Variants in MRPL35 observed in about 807,000 individuals in gnomAD.
MRPL35 encodes large ribosomal subunit protein bL35m.
MRPL35 carries 18 observed loss-of-function variants against 21.6 expected under a neutral mutation model. The observed-to-expected ratio is 0.83, with a 90% CI of 0.58 to 1.24. The LOEUF is 1.24. MRPL35 is among the 50% of genes most tolerant of loss of function. The pLI, the probability that MRPL35 is intolerant of heterozygous loss-of-function variation, is 0.00. For missense variants in MRPL35, 223 were observed against 223.2 expected, an observed-to-expected ratio of 1.00 and a Z score of 0.01; for synonymous variants, 87 against 86.9, an observed-to-expected ratio of 1.00 and a Z score of -0.01.
At position 86,212,941 on chromosome 2, in the gene MRPL35, A is replaced by G; in HGVS notation, c.*2273A>G. 2.8e-6 allele frequency: 2 copies of G among 707,686 alleles called. No homozygotes were observed. Among genetic ancestry groups the G allele is most frequent in the Non-Finnish European group, 3.5e-6 (2 of 576,598 alleles). The allele number at this position is 707,686 out of a possible 1,614,324, so 43.8% of individuals were successfully genotyped here. Reference sequence around the variant, plus strand: ...TATTGAACACCTACTATGTCCCAGCATATCTACAAAACTGGGTACATACAT... The same window carrying G: ...TATTGAACACCTACTATGTCCCAGCGTATCTACAAAACTGGGTACATACAT... On this transcript the variant is annotated 3_prime_UTR_variant, in exon 4 of 4. Coordinates refer to ENST00000337109, the MANE Select transcript of MRPL35 (RefSeq NM_016622.4).
chr2:86,204,539 T>C (rs576723067), intron 1 of MRPL35, among the ~76,000 whole-genome samples: 148 of 152,100 alleles, frequency 9.7e-4, no homozygotes, highest in Non-Finnish European at 1.8e-3. Context: ...CAAACTGGAC[T>C]TCAGTCAGAA....
intron 1 of MRPL35, 123 bp from the exon 2 acceptor site, chr2:86,205,983 T>G: frequency 1.2e-6 from 1 of 812,226 alleles, no homozygotes; most frequent in Non-Finnish European, 2.0e-6. Flanking sequence ...GCTTCACAGA[T>G]GAGTCTGATG....
rs1673928303 is a variant in MRPL35 at position 86,212,550 on chromosome 2, T to C, written c.*1882T>C. 4 of 1,581,966 alleles carry C rather than the reference T, an allele frequency of 2.5e-6. No individual in the cohort carries two copies. Among genetic ancestry groups the C allele is most frequent in the African/African-American group, 1.4e-5 (1 of 73,492 alleles). ...GCAGAAGTTGGGGAGAAGGATACTT[T>C]TGCACAGCCTCCATGATGTCTTTAT... is the stretch of plus-strand genomic sequence containing the variant. On this transcript the variant is annotated 3_prime_UTR_variant, in exon 4 of 4. Coordinates refer to ENST00000337109, the MANE Select transcript of MRPL35 (RefSeq NM_016622.4).
At chr2:86,205,843 A>C (rs1267299554) in intron 1 of MRPL35, among the ~76,000 whole-genome samples, 1 of 152,240 alleles carries the variant, frequency 6.6e-6, no homozygotes, top group Non-Finnish European at 1.5e-5. Context: ...AGTACTGGAC[A>C]TAGAGCTAGC....
intron 1 of MRPL35, among the ~76,000 whole-genome samples, chr2:86,203,119 G>A (rs938535365): frequency 7.1e-6 from 1 of 141,112 alleles, no homozygotes; most frequent in East Asian, 2.1e-4. Context: ...CCGCTCTGTC[G>A]CTCAAGGTGG....
In MRPL35 at chr2:86,213,287, C is replaced by G. The variant is rs1673948461; in HGVS notation, c.*2619C>G. 8.9e-7 allele frequency: 1 copy of G among 1,119,522 alleles called. No homozygotes were observed. 69.3% of individuals were successfully genotyped at this position (1,119,522 alleles called of 1,614,324 possible). On this transcript the variant is annotated 3_prime_UTR_variant, in exon 4 of 4. Coordinates refer to ENST00000337109, the MANE Select transcript of MRPL35 (RefSeq NM_016622.4). ...TTTGCTTTCCTGTCCTTTGCCAACTCTTAACCTAGTTAATCCTAGTTCTGT... is the reference window on the plus strand; with the variant it reads ...TTTGCTTTCCTGTCCTTTGCCAACTGTTAACCTAGTTAATCCTAGTTCTGT...
At position 86,206,274 on chromosome 2, in the gene MRPL35, A is replaced by T; in HGVS notation, c.212A>T (p.His71Leu). The T allele has an allele frequency of 6.2e-7, 1 of 1,613,434 alleles. No homozygotes were observed. Among genetic ancestry groups the T allele is most frequent in the Non-Finnish European group, 8.5e-7 (1 of 1,179,488 alleles). The change falls in exon 2 of 4, where the codon CAT becomes CTT. Residue 71 changes from histidine to leucine, a missense_variant. Coordinates refer to ENST00000337109, the MANE Select transcript of MRPL35 (RefSeq NM_016622.4). ...TTSERNLTCG[H>L]TSVILNRMAP... ...TCTGAGAGAAACCTGACATGTGGGC[A>T]TACCTCAGTGATCCTTAATAGGTAG... is the stretch of plus-strand genomic sequence containing the variant.
chr2:86,212,887 AGTTT>A lies in MRPL35; in HGVS notation c.*2224_*2227del. 2.0e-5 allele frequency: 17 copies of A among 866,502 alleles called. No homozygotes were observed. Among genetic ancestry groups the A allele is most frequent in the South Asian group, 5.3e-5 (1 of 18,872 alleles). The allele number at this position is 866,502 out of a possible 1,614,324, so 53.7% of individuals were successfully genotyped here. A position where few individuals can be genotyped will look rare whatever the true frequency, so the allele number is the denominator to read the frequency against. On this transcript the variant is annotated 3_prime_UTR_variant, in exon 4 of 4. Coordinates refer to ENST00000337109, the MANE Select transcript of MRPL35 (RefSeq NM_016622.4). ...TATAATTTATAAAATATTTATGTATAGTTTGTTTATTCAGGTATATGTATAATTT... is the reference window on the plus strand; with the variant it reads ...TATAATTTATAAAATATTTATGTATAGTTTATTCAGGTATATGTATAATTT...
At chr2:86,204,080 G>T (rs967363945) in intron 1 of MRPL35, among the ~76,000 whole-genome samples, 1 of 151,906 alleles carries the variant, frequency 6.6e-6, no homozygotes, top group Admixed American at 6.6e-5. Flanking sequence ...TTCCTCCCAG[G>T]TTCAAGTGAT....
At chr2:86,202,879 C>T (rs1476316275) in intron 1 of MRPL35, among the ~76,000 whole-genome samples, 1 of 151,748 alleles carries the variant, frequency 6.6e-6, no homozygotes, top group African/African-American at 2.4e-5. Context: ...TTAGTAGAGA[C>T]GGGGTTTCAC....
intron 1 of MRPL35, among the ~76,000 whole-genome samples, 166 bp downstream of exon 1, chr2:86,199,699 C>T (rs753498900): frequency 2.0e-5 from 3 of 152,210 alleles, no homozygotes; most frequent in Non-Finnish European, 4.4e-5. Context: ...CAGCCCGTAC[C>T]AAGTCCCCCG....
intron 1 of MRPL35, among the ~76,000 whole-genome samples, chr2:86,200,826 C>G (rs746991839): frequency 3.9e-4 from 59 of 152,176 alleles, no homozygotes; most frequent in Non-Finnish European, 4.7e-4. Context: ...GCCACCACGC[C>G]CAGCTAATTT....
chr2:86,207,991 C>T (rs988305946), intron 3 of MRPL35, among the ~76,000 whole-genome samples: 1 of 152,236 alleles, frequency 6.6e-6, no homozygotes, highest in East Asian at 1.9e-4. Context: ...AATTCCCTTT[C>T]ATTACTTGGA....
chr2:86,205,484 C>T (rs960215089), intron 1 of MRPL35, among the ~76,000 whole-genome samples: 5 of 152,088 alleles, frequency 3.3e-5, no homozygotes, highest in Admixed American at 1.3e-4. Context: ...GGCAGGCATA[C>T]TCGGTGTAAC....
intron 3 of MRPL35, among the ~76,000 whole-genome samples, chr2:86,210,199 C>CA (rs1305877105): frequency 1.3e-5 from 2 of 152,166 alleles, no homozygotes; most frequent in Admixed American, 6.5e-5. Flanking sequence ...TTCCCAGCCA[C>CA]ACACATTTAG....
At position 86,212,811 on chromosome 2, in the gene MRPL35, C is replaced by T; in HGVS notation, c.*2143C>T. 1 of 1,026,166 alleles carries T rather than the reference C, an allele frequency of 9.7e-7. No homozygotes were observed. The highest frequency in any genetic ancestry group is 1.2e-6 in the Non-Finnish European group (1 of 856,696). 63.6% of individuals were successfully genotyped at this position (1,026,166 alleles called of 1,614,324 possible). A position where few individuals can be genotyped will look rare whatever the true frequency, so the allele number is the denominator to read the frequency against. On this transcript the variant is annotated 3_prime_UTR_variant, in exon 4 of 4. Transcript: ENST00000337109. ...CATCAACACTGATTTTATAATCTGA[C>T]AATAAATGTCTTTCATTAAAGAGTT...
chr2:86,213,001 C>G lies in MRPL35; in HGVS notation c.*2333C>G. The G allele has an allele frequency of 1.3e-6, 1 of 762,640 alleles. No homozygotes were observed. Among genetic ancestry groups the G allele is most frequent in the Non-Finnish European group, 1.6e-6 (1 of 627,018 alleles). The allele number at this position is 762,640 out of a possible 1,614,324, so 47.2% of individuals were successfully genotyped here. Reference sequence around the variant, plus strand: ...CTGCTAATCCACATTTCCAGTCTTACAAAGGACATAATGATTAGTTAAGCC... The same window carrying G: ...CTGCTAATCCACATTTCCAGTCTTAGAAAGGACATAATGATTAGTTAAGCC... On this transcript the variant is annotated 3_prime_UTR_variant, in exon 4 of 4. Transcript: ENST00000337109.
intron 3 of MRPL35, among the ~76,000 whole-genome samples, chr2:86,208,388 C>T (rs538983927): frequency 6.6e-6 from 1 of 151,954 alleles, no homozygotes; most frequent in Non-Finnish European, 1.5e-5. Context: ...CTCACTGTGA[C>T]CTCTGCCTCA....
Position 86,212,415 on chromosome 2 carries a change from G to T in MRPL35, c.*1747G>T. 1 of 1,613,672 alleles carries T rather than the reference G, an allele frequency of 6.2e-7. No individual in the cohort carries two copies. The highest frequency in any genetic ancestry group is 8.5e-7 in the Non-Finnish European group (1 of 1,179,828). On this transcript the variant is annotated 3_prime_UTR_variant, in exon 4 of 4. Transcript: ENST00000337109. ...TGTTTTGATGGATTTTCATTTCTTCGCACTTCTGAGACGGCAAAGCCAACC... is the reference window on the plus strand; with the variant it reads ...TGTTTTGATGGATTTTCATTTCTTCTCACTTCTGAGACGGCAAAGCCAACC...
Sources: gnomAD v4.1 joint callset for allele counts (sites outside exome capture counted in the v4.1 genomes callset) on GRCh38, gnomAD v4.1.1 for gene constraint, MANE v1.5 for transcripts, NCBI Gene and HGNC (gene_info 2026-07-23, HGNC 2026-07-21) for gene names.